PCDH11X: variants seen among roughly 807,000 people sequenced by gnomAD.
PCDH11X encodes protocadherin-11 X-linked.
In PCDH11X, 18 loss-of-function variants were observed where a neutral mutation model predicts 53.3. That is an observed-to-expected ratio of 0.34 (90% CI 0.23 to 0.50). The LOEUF is 0.50. Among genes scored for constraint, PCDH11X ranks in the 20% least tolerant of loss-of-function variants. PCDH11X has a pLI of 0.98. For synonymous variants in PCDH11X, 279 were observed against 393.3 expected, an observed-to-expected ratio of 0.71 and a Z score of 3.44; for missense variants, 570 against 1,032.4, an observed-to-expected ratio of 0.55 and a Z score of 6.14.
At chrX:92,558,079 C>T (rs1602328431) in intron 10 of PCDH11X, among the ~76,000 whole-genome samples, 1 of 111,020 alleles carries the variant, frequency 9.0e-6, no homozygotes, top group East Asian at 2.9e-4. Context: ...AATTATCTCC[C>T]GCTGGTTCTC....
At chrX:92,141,264 A>G (rs1291826406) in intron 6 of PCDH11X, among the ~76,000 whole-genome samples, 1 of 111,615 alleles carries the variant, frequency 9.0e-6, no homozygotes, top group Non-Finnish European at 1.9e-5. Context: ...TCTATATTCC[A>G]TTTTTCATTG....
intron 7 of PCDH11X, among the ~76,000 whole-genome samples, chrX:92,211,242 C>T (rs746558812): frequency 8.1e-5 from 9 of 111,413 alleles, no homozygotes; most frequent in African/African-American, 2.6e-4. Context: ...AGAAAGTGAA[C>T]GAGAAGCCAG....
rs182079458 is a variant in PCDH11X, at chrX:92,587,343, G to A, written c.3368-30921G>A. ...ATATATTTGCTCTCAAATTGATAGCGATTAGAAAATAATAAGGAGCATCAG... is the reference window on the plus strand; with the variant it reads ...ATATATTTGCTCTCAAATTGATAGCAATTAGAAAATAATAAGGAGCATCAG... On this transcript the variant is annotated intron_variant, in intron 10 of 10. Coordinates refer to ENST00000682573, the MANE Select transcript of PCDH11X (RefSeq NM_032968.5). Among the ~76,000 whole-genome samples, 308 of 111,263 alleles carry A rather than the reference G, an allele frequency of 2.8e-3. 1 individual carries two copies. The highest frequency in any genetic ancestry group is 9.5e-3 in the African/African-American group (292 of 30,685).
At chrX:92,062,780 C>T (rs6618834) in intron 6 of PCDH11X, among the ~76,000 whole-genome samples, 15,114 of 110,780 alleles carry the variant, frequency 0.14, 970 homozygotes, top group East Asian at 0.42. Context: ...TTGTGGAAGA[C>T]AGTGTGGCGA....
intron 6 of PCDH11X, among the ~76,000 whole-genome samples, chrX:92,074,435 A>G (rs964869026): frequency 9.0e-6 from 1 of 111,473 alleles, no homozygotes; most frequent in African/African-American, 3.3e-5. Flanking sequence ...TCTGAAAATG[A>G]AGAGGAAAAA....
intron 6 of PCDH11X, among the ~76,000 whole-genome samples, chrX:91,900,360 A>G (rs1940908954): frequency 9.0e-6 from 1 of 110,733 alleles, no homozygotes; most frequent in South Asian, 4.0e-4. Flanking sequence ...ATGTCATGGG[A>G]ACAGGAAGCA....
chrX:91,827,378 G>A (rs1427386278), intron 4 of PCDH11X, among the ~76,000 whole-genome samples: 2 of 111,197 alleles, frequency 1.8e-5, no homozygotes, highest in Non-Finnish European at 3.8e-5. Flanking sequence ...TGCATAGTTA[G>A]CAAATATTTT....
At chrX:92,436,537 C>A (rs765178427) in intron 9 of PCDH11X, among the ~76,000 whole-genome samples, 13 of 111,357 alleles carry the variant, frequency 1.2e-4, no homozygotes, top group African/African-American at 4.2e-4. Context: ...ATGTTCACTG[C>A]AGCACTATTC....
chrX:92,217,619 C>T (rs919060988), intron 7 of PCDH11X, among the ~76,000 whole-genome samples: 30 of 100,113 alleles, frequency 3.0e-4, no homozygotes, highest in Non-Finnish European at 5.9e-4. Context: ...CTTTAACACC[C>T]CACTGTCAAC....
chrX:92,340,047 G>A (rs35727545), intron 8 of PCDH11X, among the ~76,000 whole-genome samples: 3 of 111,532 alleles, frequency 2.7e-5, no homozygotes, highest in South Asian at 3.7e-4. Context: ...TTCTCATTCC[G>A]AAAAAGAGAA....
At chrX:92,276,294 T>C (rs2068088842) in intron 8 of PCDH11X, among the ~76,000 whole-genome samples, 1 of 104,036 alleles carries the variant, frequency 9.6e-6, no homozygotes, top group South Asian at 4.5e-4. Flanking sequence ...TCCGTGATGG[T>C]CTAGGGGCTT....
intron 8 of PCDH11X, among the ~76,000 whole-genome samples, chrX:92,324,595 T>C (rs2069287200): frequency 1.9e-5 from 2 of 103,645 alleles, no homozygotes; most frequent in African/African-American, 7.1e-5. Flanking sequence ...GCTCCTAATA[T>C]AGAAAAGATA....
At chrX:91,864,156 T>C (rs1422002482) in intron 5 of PCDH11X, among the ~76,000 whole-genome samples, 1 of 111,778 alleles carries the variant, frequency 8.9e-6, no homozygotes, top group Non-Finnish European at 1.9e-5. Context: ...GTACTCCCTT[T>C]AGCATTTCTT....
chrX:92,292,227 A>G (rs1283780206), intron 8 of PCDH11X, among the ~76,000 whole-genome samples: 2 of 112,339 alleles, frequency 1.8e-5, no homozygotes, highest in African/African-American at 6.5e-5. Flanking sequence ...TGCAGAAAAA[A>G]AAATTATTTT....
At chrX:92,299,483 T>A (rs1251047394) in intron 8 of PCDH11X, among the ~76,000 whole-genome samples, 1 of 111,346 alleles carries the variant, frequency 9.0e-6, no homozygotes, top group East Asian at 2.9e-4. Flanking sequence ...GATTCAATTT[T>A]GGACCTCATT....
intron 7 of PCDH11X, among the ~76,000 whole-genome samples, chrX:92,211,926 C>A (rs774822606): frequency 9.3e-6 from 1 of 108,072 alleles, no homozygotes; most frequent in East Asian, 2.9e-4. Flanking sequence ...ATAATTGATT[C>A]ATTAAATGTT....
chrX:92,527,138 G>A (rs12839473), intron 10 of PCDH11X, among the ~76,000 whole-genome samples: 33,531 of 110,412 alleles, frequency 0.3, 4,214 homozygotes, highest in Non-Finnish European at 0.4. Flanking sequence ...CTGGGGTTTG[G>A]GATGAGGTGG....
chrX:92,317,689 T>C (rs1006958127), intron 8 of PCDH11X, among the ~76,000 whole-genome samples: 6 of 111,730 alleles, frequency 5.4e-5, no homozygotes, highest in African/African-American at 1.9e-4. Context: ...AATATTTAAG[T>C]GTAAAAAGCA....
chrX:92,061,453 A>G (rs1033986776), intron 6 of PCDH11X, among the ~76,000 whole-genome samples: 6 of 108,624 alleles, frequency 5.5e-5, no homozygotes, highest in African/African-American at 2.1e-4. Context: ...CAGAGTTTTC[A>G]TATGTTAGGT....
Sources: gnomAD v4.1 joint callset for allele counts (sites outside exome capture counted in the v4.1 genomes callset) on GRCh38, gnomAD v4.1.1 for gene constraint, MANE v1.5 for transcripts, NCBI Gene and HGNC (gene_info 2026-07-23, HGNC 2026-07-21) for gene names.